Variants in TP53I3 observed in about 807,000 individuals in gnomAD.
TP53I3 encodes tumor protein p53 inducible protein 3.
TP53I3 carries 32 observed loss-of-function variants against 27.7 expected under a neutral mutation model. That is an observed-to-expected ratio of 1.16 (90% CI 0.87 to 1.55). The LOEUF (loss-of-function observed/expected upper bound fraction) is 1.55. Among genes scored for constraint, TP53I3 ranks in the 40% most tolerant of loss-of-function variants. The pLI is 0.00. For missense variants in TP53I3, 372 were observed against 412.3 expected (o/e 0.90, Z 0.85); for synonymous variants, 138 against 167.8 (o/e 0.82, Z 1.37).
At position 24,080,364 on chromosome 2, in the gene TP53I3, AAAG is replaced by A. The variant is rs1449913045; in HGVS notation, c.619+452_619+454del. On this transcript the variant is annotated intron_variant, in intron 3 of 4. Transcript: ENST00000238721. This position sits in a 1 kb window ranked among gnomAD's most constrained non-coding sequence, Gnocchi z 4.7. ...AGTGAGACTCCATCTCAAAAAAAAAAAAGAAAGAGAAACGGAAAGGGATGAGCC... is the reference window on the plus strand; with the variant it reads ...AGTGAGACTCCATCTCAAAAAAAAAAAAAGAGAAACGGAAAGGGATGAGCC... Among the ~76,000 whole-genome samples the A allele has an allele frequency of 5.3e-5, 8 of 151,942 alleles. No individual in the cohort carries two copies. The highest frequency in any genetic ancestry group is 1.0e-4 in the Non-Finnish European group (7 of 67,960).
At chr2:24,079,410 T>C in intron 4 of TP53I3, 34 bp downstream of exon 4, 1 of 1,608,510 alleles carries the variant, frequency 6.2e-7, no homozygotes, top group Non-Finnish European at 8.5e-7. Flanking sequence ...TTTTCTGGGT[T>C]AAATCACATG....
chr2:24,084,281 A>G lies in TP53I3; in HGVS notation c.46T>C (p.Tyr16His). Residue 16 changes from tyrosine to histidine, a missense_variant, in exon 1 of 5, where the codon TAC becomes CAC. Physicochemically the swap from Tyr to His is moderately conservative, Grantham distance 83. Transcript: ENST00000238721. This position sits in a 1 kb window ranked among gnomAD's most constrained non-coding sequence, Gnocchi z 8.4. The part of the protein sequence containing the change: ...FDKPGGPENL[Y>H]VKEVAKPSPG... ...CTCGGCTTGGCCACCTCCTTCACGT[A>G]GAGGTTTTCCGGTCCTCCCGGCTTG... is the stretch of plus-strand genomic sequence containing the variant. The G allele has an allele frequency of 6.2e-7, 1 of 1,614,094 alleles. No individual in the cohort carries two copies. Among genetic ancestry groups the G allele is most frequent in the Non-Finnish European group, 8.5e-7 (1 of 1,179,990 alleles).
In TP53I3 at chr2:24,084,540, G is replaced by A. The variant is rs911569799; in HGVS notation, c.-214C>T. The A allele has an allele frequency of 8.3e-6, 5 of 605,620 alleles. No individual in the cohort carries two copies. The highest frequency in any genetic ancestry group is 1.3e-5 in the Non-Finnish European group (5 of 375,098). 37.5% of individuals were successfully genotyped at this position (605,620 alleles called of 1,614,324 possible). A position where few individuals can be genotyped will look rare whatever the true frequency, so the allele number is the denominator to read the frequency against. On this transcript the variant is annotated 5_prime_UTR_variant, in exon 1 of 5. Transcript: ENST00000238721. This position sits in a 1 kb window ranked among gnomAD's most constrained non-coding sequence, Gnocchi z 8.4. ...GGCCTCCGCCCCGAGCTCCTGCCTG[G>A]GAAGTCCTCGGCCGCCTCCAGACCG...
chr2:24,082,703 C>CT (rs1665058079), intron 2 of TP53I3, among the ~76,000 whole-genome samples, 182 bp downstream of exon 2: 1 of 152,184 alleles, frequency 6.6e-6, no homozygotes, highest in East Asian at 1.9e-4. Context: ...TCCAGACCCT[C>CT]TATCTGCTAA....
In TP53I3 at chr2:24,078,217, C is replaced by G. The variant is rs148806187; in HGVS notation, c.817-456G>C. ...CCCCATATATCTCCTAGTGACTTCC[C>G]TAGAAATTTACTATCCCTAGCCAGA... On this transcript the variant is annotated intron_variant, in intron 4 of 4. Coordinates refer to ENST00000238721, the MANE Select transcript of TP53I3 (RefSeq NM_004881.5). Among the ~76,000 whole-genome samples the G allele has an allele frequency of 6.9e-3, 1,047 of 152,236 alleles. 13 individuals are homozygous for G. The highest frequency in any genetic ancestry group is 0.024 in the African/African-American group (1,007 of 41,536).
rs1377245182 is a variant in TP53I3 at position 24,080,692 on chromosome 2, G to T, written c.619+127C>A. 25 of 1,099,950 alleles carry T rather than the reference G, an allele frequency of 2.3e-5. No homozygotes were observed. In the East Asian group the frequency reaches 5.2e-4, roughly 23 times the overall value. 68.1% of individuals were successfully genotyped at this position (1,099,950 alleles called of 1,614,324 possible). A position where few individuals can be genotyped will look rare whatever the true frequency, so the allele number is the denominator to read the frequency against. On this transcript the variant is annotated intron_variant, in intron 3 of 4. Transcript: ENST00000238721. The surrounding 1 kb of genome is among the most constrained non-coding windows in gnomAD (Gnocchi z 4.7). ...TCAAATACCATAGTACTAGAATTTG[G>T]CCAGGGCAGCTGTTGTGCACTTAGC...
At position 24,077,564 on chromosome 2, in the gene TP53I3, C is replaced by T. The variant is rs761246264; in HGVS notation, c.*15G>A. ...AGGCCTGGGGTGGCCGCGTCCTGTC[C>T]TGCCCCATCCTCCTTCACTGGGGCA... On this transcript the variant is annotated 3_prime_UTR_variant, in exon 5 of 5. Coordinates refer to ENST00000238721, the MANE Select transcript of TP53I3 (RefSeq NM_004881.5). This position sits in a 1 kb window ranked among gnomAD's most constrained non-coding sequence, Gnocchi z 5.5. 15 of 1,610,698 alleles carry T rather than the reference C, an allele frequency of 9.3e-6. No homozygotes were observed. The highest frequency in any genetic ancestry group is 2.2e-5 in the South Asian group (2 of 90,700).
intron 1 of TP53I3, among the ~76,000 whole-genome samples, chr2:24,083,717 A>C (rs36052574): frequency 0.14 from 21,769 of 152,190 alleles, 1,926 homozygotes; most frequent in South Asian, 0.21. Flanking sequence ...AATTCTTAAG[A>C]GTACTGCCCG....
chr2:24,078,603 T>C (rs1201634159), intron 4 of TP53I3, among the ~76,000 whole-genome samples: 3 of 152,156 alleles, frequency 2.0e-5, no homozygotes, highest in African/African-American at 7.2e-5. Flanking sequence ...AGGTGATCTC[T>C]GGCTCCCTTG....
At chr2:24,082,328 A>T (rs537126793) in intron 2 of TP53I3, among the ~76,000 whole-genome samples, 1 of 152,242 alleles carries the variant, frequency 6.6e-6, no homozygotes, top group Admixed American at 6.5e-5. Flanking sequence ...TGTCCTTCAC[A>T]AGTCTACCCA....
Position 24,077,642 on chromosome 2 carries a change from C to T in TP53I3, c.936G>A (p.Glu312=). ...TGTTGGCCTCCATGTACTTATGGGCCTCCTGGATTTCGGTCACTGGGTAGA... is the reference window on the plus strand; with the variant it reads ...TGTTGGCCTCCATGTACTTATGGGCTTCCTGGATTTCGGTCACTGGGTAGA... ...DRIYPVTEIQ[E]AHKYMEANKN... Residue 312 remains glutamate (E), a synonymous_variant, in exon 5 of 5, where the codon GAG becomes GAA. Transcript: ENST00000238721. This position sits in a 1 kb window ranked among gnomAD's most constrained non-coding sequence, Gnocchi z 5.5. The T allele has an allele frequency of 6.2e-7, 1 of 1,614,080 alleles. No homozygotes were observed. The highest frequency in any genetic ancestry group is 2.2e-5 in the East Asian group (1 of 44,870).
intron 2 of TP53I3, among the ~76,000 whole-genome samples, chr2:24,082,503 C>T (rs1488810388): frequency 3.3e-5 from 5 of 152,206 alleles, no homozygotes; most frequent in African/African-American, 1.2e-4. Context: ...AAGGCAAGGA[C>T]CAAGTCTTCT....
rs562956067 is a variant in TP53I3, at chr2:24,084,256, C to G, written c.71G>C (p.Ser24Thr). 2 of 1,614,040 alleles carry G rather than the reference C, an allele frequency of 1.2e-6. No homozygotes were observed. Among genetic ancestry groups the G allele is most frequent in the African/African-American group, 2.7e-5 (2 of 75,038 alleles). Residue 24 changes from serine to threonine, a missense_variant, in exon 1 of 5, where the codon AGC (serine) becomes ACC (threonine). By Grantham distance (58) the Ser-to-Thr change is moderately conservative (BLOSUM62 1). Coordinates refer to ENST00000238721, the MANE Select transcript of TP53I3 (RefSeq NM_004881.5). The surrounding 1 kb of genome is among the most constrained non-coding windows in gnomAD (Gnocchi z 8.4). ...CAGGAGGACTTCACCCTCCCCCGGG[C>G]TCGGCTTGGCCACCTCCTTCACGTA... ...NLYVKEVAKP[S>T]PGEGEVLLKV...
rs371448364 is a variant in TP53I3 at position 24,084,223 on chromosome 2, G to A, written c.104C>T (p.Ala35Val). 14 of 1,613,700 alleles carry A rather than the reference G, an allele frequency of 8.7e-6. No homozygotes were observed. Among genetic ancestry groups the A allele is most frequent in the Non-Finnish European group, 1.1e-5 (13 of 1,179,932 alleles). ...PGEGEVLLKVAASALNRADLM... is the reference protein window; with the variant it reads ...PGEGEVLLKVVASALNRADLM... ...GTCCGCCCGGTTCAGGGCGCTGGCC[G>A]CCACCTTCAGGAGGACTTCACCCTC... The change falls in exon 1 of 5, where the codon GCG becomes GTG. Residue 35 changes from alanine to valine, a missense_variant. Coordinates refer to ENST00000238721, the MANE Select transcript of TP53I3 (RefSeq NM_004881.5). The surrounding 1 kb of genome is among the most constrained non-coding windows in gnomAD (Gnocchi z 8.4).
At position 24,079,637 on chromosome 2, in the gene TP53I3, G is replaced by C. The variant is rs1488666964; in HGVS notation, c.623C>G (p.Ala208Gly). ...SEATLKFTKG[A>G]GVNLILDCIG... ...GCAGTCTAGAATAAGATTAACTCCA[G>C]CACCTTCCATAGGAAACAGATTTGT... is the stretch of plus-strand genomic sequence containing the variant. The change falls in exon 4 of 5, where the codon GCT becomes GGT. Residue 208 changes from alanine (A) to glycine (G), a missense_variant. Physicochemically the swap from Ala to Gly is moderately conservative, Grantham distance 60. Transcript: ENST00000238721. The C allele has an allele frequency of 1.2e-6, 2 of 1,613,358 alleles. No individual in the cohort carries two copies. The highest frequency in any genetic ancestry group is 1.7e-6 in the Non-Finnish European group (2 of 1,179,666).
chr2:24,080,801 G>T lies in TP53I3; in HGVS notation c.619+18C>A, dbSNP rs561085987. 2.0e-5 allele frequency: 32 copies of T among 1,613,798 alleles called. No individual in the cohort carries two copies. The East Asian group carries it at 6.9e-4, about 35-fold the overall frequency. On this transcript the variant is annotated intron_variant, in intron 3 of 4. Transcript: ENST00000238721. The surrounding 1 kb of genome is among the most constrained non-coding windows in gnomAD (Gnocchi z 4.7). Reference sequence around the variant, plus strand: ...TCATCTCTTAAATTCCTGCTGAACTGTAGAAGCAGTTGTTTACCTTTGGTG... The same window carrying T: ...TCATCTCTTAAATTCCTGCTGAACTTTAGAAGCAGTTGTTTACCTTTGGTG...
At chr2:24,078,508 A>G (rs1664859461) in intron 4 of TP53I3, among the ~76,000 whole-genome samples, 1 of 148,266 alleles carries the variant, frequency 6.7e-6, no homozygotes, top group South Asian at 2.1e-4. Flanking sequence ...AAAAAAGTAC[A>G]TGCTTTTCTC....
Position 24,080,982 on chromosome 2 carries a change from A to G in TP53I3, c.456T>C (p.Gly152=). Residue 152 remains glycine (G), a synonymous_variant, in exon 3 of 5, where the codon GGT becomes GGC. Coordinates refer to ENST00000238721, the MANE Select transcript of TP53I3 (RefSeq NM_004881.5). The surrounding 1 kb of genome is among the most constrained non-coding windows in gnomAD (Gnocchi z 4.7). ...DYVLIHAGLS[G]VGTAAIQLTR... ...TGAGTTGGATAGCAGCTGTGCCCAC[A>G]CCACTCAGTCCTGCATGGATTAGCA... The G allele has an allele frequency of 1.2e-6, 2 of 1,614,098 alleles. No homozygotes were observed. The highest frequency in any genetic ancestry group is 8.5e-7 in the Non-Finnish European group (1 of 1,180,024).
At chr2:24,082,601 C>T (rs147497344) in intron 2 of TP53I3, among the ~76,000 whole-genome samples, 196 of 152,272 alleles carry the variant, frequency 1.3e-3, no homozygotes, top group Non-Finnish European at 1.4e-3. Context: ...TGCACTGGGA[C>T]CCCAGAGAGA....
Sources: gnomAD v4.1 joint callset for allele counts (sites outside exome capture counted in the v4.1 genomes callset) on GRCh38, gnomAD v4.1.1 for gene constraint, Gnocchi (gnomAD v3.1) non-coding constraint, MANE v1.5 for transcripts, NCBI Gene and HGNC (gene_info 2026-07-23, HGNC 2026-07-21) for gene names.